MARCHF1: variants seen among roughly 807,000 people sequenced by gnomAD.
MARCHF1 encodes E3 ubiquitin-protein ligase MARCHF1.
In MARCHF1, 40 loss-of-function variants were observed where a neutral mutation model predicts 54.2. That is an observed-to-expected ratio of 0.74 (90% CI 0.57 to 0.96). The LOEUF (loss-of-function observed/expected upper bound fraction) is 0.96. Ranked by LOEUF, MARCHF1 falls within the 40% of genes least tolerant of loss-of-function variation. The pLI, the probability that MARCHF1 is intolerant of heterozygous loss-of-function variation, is 0.00. For missense variants in MARCHF1, 586 were observed against 656.5 expected (o/e 0.89, Z 1.17); for synonymous variants, 236 against 236.3 (o/e 1.00, Z 0.01).
chr4:163,823,137 T>C (rs1040485839), intron 4 of MARCHF1, among the ~76,000 whole-genome samples: 1 of 151,860 alleles, frequency 6.6e-6, no homozygotes, highest in Non-Finnish European at 1.5e-5. Context: ...GAATTTTCTT[T>C]ATATTTCCAC....
intron 3 of MARCHF1, among the ~76,000 whole-genome samples, chr4:163,958,323 T>C (rs1425363514): frequency 6.6e-6 from 1 of 151,914 alleles, no homozygotes; most frequent in Non-Finnish European, 1.5e-5. Context: ...TTATTATCCA[T>C]CTCTTTACAC....
intron 3 of MARCHF1, among the ~76,000 whole-genome samples, chr4:163,977,308 T>A (rs1383811328): frequency 6.6e-6 from 1 of 152,102 alleles, no homozygotes; most frequent in Middle Eastern, 3.2e-3. Flanking sequence ...GAAGAAAACC[T>A]GATCAGTAGC....
intron 1 of MARCHF1, among the ~76,000 whole-genome samples, chr4:164,277,862 G>A (rs536403065): frequency 5.9e-5 from 9 of 152,282 alleles, no homozygotes; most frequent in East Asian, 3.9e-4. Flanking sequence ...TTTGTGGAAC[G>A]AAAGAGGAAA....
chr4:163,867,491 C>A (rs114269960), intron 3 of MARCHF1, among the ~76,000 whole-genome samples: 2,325 of 151,542 alleles, frequency 0.015, 52 homozygotes, highest in African/African-American at 0.053. Flanking sequence ...TAATAATAAA[C>A]TTATTATATA....
intron 2 of MARCHF1, among the ~76,000 whole-genome samples, chr4:164,106,170 A>T (rs1037483813): frequency 3.4e-5 from 5 of 147,342 alleles, no homozygotes; most frequent in African/African-American, 1.3e-4. Context: ...TGTTGGTGGG[A>T]ATGTAAACTA....
chr4:163,669,408 C>T (rs956306878), intron 5 of MARCHF1, among the ~76,000 whole-genome samples: 3 of 152,036 alleles, frequency 2.0e-5, no homozygotes, highest in African/African-American at 2.4e-5. Flanking sequence ...CTGCAGGTGA[C>T]GTGAAGCACC....
At chr4:164,312,281 T>A (rs1196698089) in intron 1 of MARCHF1, among the ~76,000 whole-genome samples, 1 of 150,710 alleles carries the variant, frequency 6.6e-6, no homozygotes, top group Non-Finnish European at 1.5e-5. Flanking sequence ...TTTTAGATAC[T>A]AAAAGCAAAT....
chr4:163,824,335 G>A (rs530815687), intron 4 of MARCHF1, among the ~76,000 whole-genome samples: 29 of 151,332 alleles, frequency 1.9e-4, no homozygotes, highest in East Asian at 7.8e-4. Context: ...AAATAATGCC[G>A]CATATCTACA....
At chr4:163,812,148 T>C (rs943286754) in intron 4 of MARCHF1, among the ~76,000 whole-genome samples, 1 of 152,174 alleles carries the variant, frequency 6.6e-6, no homozygotes, top group East Asian at 1.9e-4. Flanking sequence ...ATGGGCTTTC[T>C]TGGGTCCCCA....
intron 1 of MARCHF1, among the ~76,000 whole-genome samples, chr4:164,113,092 C>A (rs1009894147): frequency 1.3e-5 from 2 of 151,682 alleles, no homozygotes; most frequent in Non-Finnish European, 2.9e-5. Context: ...TGCAGTTTTG[C>A]TTATTTAAGT....
At chr4:164,098,961 T>C (rs549133701) in intron 2 of MARCHF1, among the ~76,000 whole-genome samples, 1 of 152,330 alleles carries the variant, frequency 6.6e-6, no homozygotes, top group East Asian at 1.9e-4. Flanking sequence ...TTGTTACCAT[T>C]GCAAAGCGGA....
chr4:163,733,227 G>GTATATATATATACATATATATATA (rs1745923923), intron 4 of MARCHF1, among the ~76,000 whole-genome samples: 2 of 13,832 alleles, frequency 1.4e-4, no homozygotes, highest in Non-Finnish European at 3.8e-4. Flanking sequence ...ATATACACGT[G>GTATATATATATACATATATATATA]TATATATATA....
chr4:163,726,999 A>G (rs1745675465), intron 4 of MARCHF1, among the ~76,000 whole-genome samples: 1 of 151,952 alleles, frequency 6.6e-6, no homozygotes, highest in Non-Finnish European at 1.5e-5. Flanking sequence ...TCTTGCAAGT[A>G]TTTTCTCCCA....
At chr4:163,924,696 G>T (rs1461001963) in intron 3 of MARCHF1, among the ~76,000 whole-genome samples, 2 of 151,820 alleles carry the variant, frequency 1.3e-5, no homozygotes, top group Non-Finnish European at 2.9e-5. Context: ...GGGATAGAGA[G>T]GATAAGAAAT....
At chr4:164,317,370 G>A (rs1735026982) in intron 1 of MARCHF1, among the ~76,000 whole-genome samples, 1 of 152,164 alleles carries the variant, frequency 6.6e-6, no homozygotes, top group Non-Finnish European at 1.5e-5. Context: ...AGCTGGTAGA[G>A]TAGCACCTCA....
intron 1 of MARCHF1, among the ~76,000 whole-genome samples, chr4:164,210,585 C>T (rs533908732): frequency 6.6e-6 from 1 of 152,062 alleles, no homozygotes; most frequent in South Asian, 2.1e-4. Context: ...TATTGGCATT[C>T]CTTGGTATAT....
intron 4 of MARCHF1, among the ~76,000 whole-genome samples, chr4:163,793,019 A>C (rs532645550): frequency 1.2e-4 from 19 of 152,322 alleles, no homozygotes; most frequent in African/African-American, 4.1e-4. Context: ...GACTGAATGC[A>C]GTGGTGCATA....
intron 4 of MARCHF1, among the ~76,000 whole-genome samples, chr4:163,817,283 G>C (rs998528712): frequency 5.4e-5 from 8 of 147,976 alleles, no homozygotes; most frequent in East Asian, 3.9e-4. Flanking sequence ...GTATGTGTTT[G>C]TGTGTATACA....
rs970984599 is a variant in MARCHF1, at chr4:164,021,866, A to T, written c.-247-33157T>A. Among the ~76,000 whole-genome samples the T allele has an allele frequency of 2.4e-3, 331 of 136,982 alleles. 1 individual carries two copies. The highest frequency in any genetic ancestry group is 4.8e-3 in the South Asian group (18 of 3,750). 89.9% of individuals were successfully genotyped at this position (136,982 alleles called of 152,430 possible). ...TGAACCTCCATGTCAAAAAAAAAAA[A>T]TTATATATATATATATATGGTCCAT... On this transcript the variant is annotated intron_variant, in intron 2 of 9. Coordinates refer to ENST00000514618, the MANE Select transcript of MARCHF1 (RefSeq NM_001394959.1).
Sources: gnomAD v4.1 joint callset for allele counts (sites outside exome capture counted in the v4.1 genomes callset) on GRCh38, gnomAD v4.1.1 for gene constraint, MANE v1.5 for transcripts, NCBI Gene and HGNC (gene_info 2026-07-23, HGNC 2026-07-21) for gene names.